The following PPP4C variants were observed in gnomAD, a reference collection of about 807,000 sequenced individuals.
PPP4C encodes the protein serine/threonine-protein phosphatase 4 catalytic subunit.
A neutral mutation model predicts 40.5 loss-of-function variants in PPP4C; 10 were observed. That is an observed-to-expected ratio of 0.25 (90% confidence interval 0.15 to 0.42). The LOEUF is 0.42. Ranked by LOEUF, PPP4C falls within the 10% of genes least tolerant of loss-of-function variation. The pLI is 1.00. For missense variants in PPP4C, 191 were observed against 416.4 expected (o/e 0.46, Z 4.71); for synonymous variants, 187 against 163.6 (o/e 1.14, Z -1.09).
rs1187790891 is a variant in PPP4C, at chr16:30,083,826, T to A, written c.604+45T>A. 1 of 1,606,814 alleles carries A rather than the reference T, an allele frequency of 6.2e-7. No individual in the cohort carries two copies. The highest frequency in any genetic ancestry group is 8.5e-7 in the Non-Finnish European group (1 of 1,177,560). On this transcript the variant is annotated intron_variant, in intron 7 of 8. Transcript: ENST00000279387. The surrounding 1 kb of genome is among the most constrained non-coding windows in gnomAD (Gnocchi z 6.3). Reference sequence around the variant, plus strand: ...GGCAGGCAGGGACAGCCAGGAGGGGTTGGGAAAGAGAGGGAGCAGGGCTGG... The same window carrying A: ...GGCAGGCAGGGACAGCCAGGAGGGGATGGGAAAGAGAGGGAGCAGGGCTGG...
rs1441356001 is a variant in PPP4C, at chr16:30,082,793, T to C, written c.249T>C (p.Phe83=). The change falls in exon 5 of 9, where the codon TTT becomes TTC. Residue 83 remains phenylalanine, a synonymous_variant. Transcript: ENST00000279387. ...PETNYLFMGD[F]VDRGFYSVET... Reference sequence around the variant, plus strand: ...CCAACTACCTCTTCATGGGGGACTTTGTGGACCGTGGCTTCTATAGCGTCG... The same window carrying C: ...CCAACTACCTCTTCATGGGGGACTTCGTGGACCGTGGCTTCTATAGCGTCG... The C allele has an allele frequency of 6.2e-7, 1 of 1,614,096 alleles. No homozygotes were observed. The highest frequency in any genetic ancestry group is 8.5e-7 in the Non-Finnish European group (1 of 1,180,022).
chr16:30,084,906 T>TCCTGACCCTGCTGCC (rs1272961513), intron 8 of PPP4C, 27 bp from the exon 9 acceptor site: 9 of 1,613,868 alleles, frequency 5.6e-6, no homozygotes, highest in Non-Finnish European at 7.6e-6. Flanking sequence ...GCCGAGCTGC[T>TCCTGACCCTGCTGCC]CCTGACCCTG....
chr16:30,080,960 T>G (rs1411181350), intron 2 of PPP4C, among the ~76,000 whole-genome samples: 1 of 151,688 alleles, frequency 6.6e-6, no homozygotes, highest in Non-Finnish European at 1.5e-5. Flanking sequence ...CAGGAGTGAG[T>G]CCTGGATGCG....
In PPP4C at chr16:30,084,776, C is replaced by T. The variant is rs749196116; in HGVS notation, c.715C>T (p.Gln239Ter). 6.2e-7 allele frequency: 1 copy of T among 1,614,248 alleles called. No homozygotes were observed. Among genetic ancestry groups the T allele is most frequent in the South Asian group, 1.1e-5 (1 of 91,092 alleles). The change falls in exon 8 of 9, where the codon CAA becomes TAA. Residue 239 changes from glutamine (Q) to a stop codon, truncating the protein, a stop_gained. Coordinates refer to ENST00000279387, the MANE Select transcript of PPP4C (RefSeq NM_002720.3). LOFTEE classifies it high-confidence loss of function. ...CATTGACATGATCTGCCGTGCCCAC[C>T]AACTGGTGATGGAAGGTTACAAGTG... ...NDIDMICRAH[Q>*]LVMEGYKWHF...
At chr16:30,080,802 G>A (rs1410068543) in intron 2 of PPP4C, among the ~76,000 whole-genome samples, 1 of 152,182 alleles carries the variant, frequency 6.6e-6, no homozygotes, top group Non-Finnish European at 1.5e-5. Flanking sequence ...ACCGCACCTG[G>A]CCAAGAGCGC....
At position 30,076,472 on chromosome 16, in the gene PPP4C, C is replaced by T; in HGVS notation, c.95C>T (p.Ala32Val). ...ESEVKALCAK[A>V]REILVEESNV... is the part of the protein sequence containing the mutation. ...GAAGTCAAGGCCCTGTGCGCTAAGG[C>T]CAGGTGAGCTCGTTGGCCCTGGGGA... Residue 32 changes from alanine to valine, a missense_variant, in exon 2 of 9, where the codon GCC becomes GTC. By Grantham distance (64) the Ala-to-Val change is moderately conservative. Transcript: ENST00000279387. 1 of 1,609,512 alleles carries T rather than the reference C, an allele frequency of 6.2e-7. No homozygotes were observed. Among genetic ancestry groups the T allele is most frequent in the Non-Finnish European group, 8.5e-7 (1 of 1,177,992 alleles).
intron 2 of PPP4C, among the ~76,000 whole-genome samples, chr16:30,076,967 A>T (rs2072414281): frequency 6.6e-6 from 1 of 152,176 alleles, no homozygotes; most frequent in East Asian, 1.9e-4. Flanking sequence ...ACAAGTAAGG[A>T]ATGGGGTCTG....
At position 30,083,060 on chromosome 16, in the gene PPP4C, C is replaced by T. The variant is rs1020118485; in HGVS notation, c.303+213C>T. The T allele has an allele frequency of 1.4e-5, 8 of 591,884 alleles. No individual in the cohort carries two copies. In the East Asian group the frequency reaches 2.0e-4, roughly 15 times the overall value. The allele number at this position is 591,884 out of a possible 1,614,324, so 36.7% of individuals were successfully genotyped here. A position where few individuals can be genotyped will look rare whatever the true frequency, so the allele number is the denominator to read the frequency against. On this transcript the variant is annotated intron_variant, in intron 5 of 8. Transcript: ENST00000279387. The surrounding 1 kb of genome is among the most constrained non-coding windows in gnomAD (Gnocchi z 6.3). ...TGGGAGGGGCAGAGGCTCACTGTTG[C>T]GAATGTGGCAGGTCATTGATGCCAC...
chr16:30,076,553 C>T (rs1483969803), intron 2 of PPP4C, 78 bp downstream of exon 2: 2 of 1,422,514 alleles, frequency 1.4e-6, no homozygotes, highest in Non-Finnish European at 1.9e-6. Context: ...CAACTGAGAA[C>T]TTTGGGCTTG....
rs755080904 is a variant in PPP4C, at chr16:30,082,528, G to C, written c.195G>C (p.Leu65=). The change falls in exon 4 of 9, where the codon CTG becomes CTC. Residue 65 remains leucine (L), a synonymous_variant. Transcript: ENST00000279387. ...IHGQFYDLKE[L]FRVGGDVPET... is the part of the protein sequence containing the mutation. The stretch of plus-strand genomic sequence containing the variant: ...GACAATTCTATGACCTCAAAGAGCT[G>C]TTCAGAGTAAGAGTGTGGCCAACAC... 3.1e-6 allele frequency: 5 copies of C among 1,613,274 alleles called. No individual in the cohort carries two copies. Among genetic ancestry groups the C allele is most frequent in the Non-Finnish European group, 2.5e-6 (3 of 1,179,238 alleles).
chr16:30,081,443 C>A, intron 3 of PPP4C, 133 bp downstream of exon 3: 1 of 729,844 alleles, frequency 1.4e-6, no homozygotes, highest in Non-Finnish European at 2.3e-6. Flanking sequence ...CAACGGAGCA[C>A]TGCTAAAAGA....
chr16:30,076,189 CG>C (rs35061537), intron 1 of PPP4C, 95 bp downstream of exon 1: 11 of 434,576 alleles, frequency 2.5e-5, no homozygotes, highest in African/African-American at 1.6e-4. Context: ...CGTTGGACGC[CG>C]GGGGGTCCTG....
intron 2 of PPP4C, among the ~76,000 whole-genome samples, 185 bp downstream of exon 2, chr16:30,076,660 C>A (rs1456763923): frequency 1.3e-5 from 2 of 152,184 alleles, no homozygotes; most frequent in African/African-American, 4.8e-5. Context: ...GATAAAGACA[C>A]TTAAAGTTTA....
intron 2 of PPP4C, 57 bp from the exon 3 acceptor site, chr16:30,081,202 C>T (rs1420255677): frequency 1.2e-6 from 2 of 1,611,238 alleles, no homozygotes; most frequent in Non-Finnish European, 1.7e-6. Flanking sequence ...CAAAAAAGGT[C>T]AGGAATTGGG....
Position 30,085,344 on chromosome 16 carries a change from A to T in PPP4C, c.*282A>T, listed in dbSNP as rs999757902. The T allele has an allele frequency of 9.2e-6, 3 of 327,602 alleles. No homozygotes were observed. Among genetic ancestry groups the T allele is most frequent in the Non-Finnish European group, 1.7e-5 (3 of 180,490 alleles). The allele number at this position is 327,602 out of a possible 1,614,324, so 20.3% of individuals were successfully genotyped here. ...TTAGATAAAAATTTTGAGAAAAAAAATGAAAAAATTCTAATAAAAGAAGAA... is the reference window on the plus strand; with the variant it reads ...TTAGATAAAAATTTTGAGAAAAAAATTGAAAAAATTCTAATAAAAGAAGAA... On this transcript the variant is annotated 3_prime_UTR_variant, in exon 9 of 9. Coordinates refer to ENST00000279387, the MANE Select transcript of PPP4C (RefSeq NM_002720.3).
chr16:30,081,391 A>C, intron 3 of PPP4C, 81 bp downstream of exon 3: 5 of 1,160,624 alleles, frequency 4.3e-6, no homozygotes, highest in Non-Finnish European at 6.4e-6. Flanking sequence ...GGGCTCTATA[A>C]GCCCAACCCT....
intron 2 of PPP4C, among the ~76,000 whole-genome samples, chr16:30,079,190 CTTTTTTTTTTT>C (rs60305885): frequency 7.1e-6 from 1 of 140,662 alleles, no homozygotes; most frequent in African/African-American, 2.6e-5. Context: ...TTCTTTTTTT[CTTTTTTTTTTT>C]TTTTGAGACA....
intron 2 of PPP4C, 82 bp downstream of exon 2, chr16:30,076,557 G>C (rs1475424395): frequency 1.1e-5 from 16 of 1,395,448 alleles, no homozygotes; most frequent in Non-Finnish European, 1.6e-5. Context: ...TGAGAACTTT[G>C]GGCTTGCCTC....
At chr16:30,081,216 G>A in intron 2 of PPP4C, 43 bp from the exon 3 acceptor site, 1 of 1,612,574 alleles carries the variant, frequency 6.2e-7, no homozygotes, top group Non-Finnish European at 8.5e-7. Flanking sequence ...AATTGGGCTG[G>A]GCTGGCCTGG....
Sources: allele counts gnomAD v4.1 joint callset (sites outside exome capture counted in the v4.1 genomes callset), GRCh38; gene constraint gnomAD v4.1.1; non-coding constraint Gnocchi (gnomAD v3.1); transcripts MANE v1.5; gene names NCBI Gene and HGNC (gene_info 2026-07-23, HGNC 2026-07-21).